ELAPOR2: variants seen among roughly 807,000 people sequenced by gnomAD.
ELAPOR2 encodes endosome/lysosome-associated apoptosis and autophagy regulator family member 2.
ELAPOR2 carries 89 observed loss-of-function variants against 120.7 expected under a neutral mutation model. That is an observed-to-expected ratio of 0.74 (90% CI 0.62 to 0.88). The LOEUF is 0.88. ELAPOR2 is among the 40% of genes least tolerant of loss of function. The probability of loss-of-function intolerance (pLI) is 0.00; values close to 1 mark genes in which losing one functional copy is unlikely to be tolerated. For missense variants in ELAPOR2, 1,134 were observed against 1,251.6 expected (o/e 0.91, Z 1.42); for synonymous variants, 444 against 444.9 (o/e 1.00, Z 0.03).
intron 1 of ELAPOR2, among the ~76,000 whole-genome samples, chr7:86,995,547 C>T (rs1010070732): frequency 1.1e-4 from 17 of 152,258 alleles, no homozygotes; most frequent in African/African-American, 3.6e-4. Flanking sequence ...TAATATAACG[C>T]GTTTTGCAAG....
intron 1 of ELAPOR2, among the ~76,000 whole-genome samples, chr7:87,038,865 A>T (rs1794672234): frequency 6.6e-6 from 1 of 152,202 alleles, no homozygotes; most frequent in African/African-American, 2.4e-5. Flanking sequence ...CAATCTAATG[A>T]TGTATCTTAA....
intron 13 of ELAPOR2, 32 bp from the exon 14 acceptor site, chr7:86,913,236 G>A (rs774420957): frequency 2.7e-5 from 43 of 1,602,122 alleles, no homozygotes; most frequent in Non-Finnish European, 3.5e-5. Flanking sequence ...AATGACTTCT[G>A]CCTTGGGGCT....
intron 3 of ELAPOR2, among the ~76,000 whole-genome samples, chr7:86,947,040 C>A (rs1484072167): frequency 6.6e-6 from 1 of 152,122 alleles, no homozygotes; most frequent in Non-Finnish European, 1.5e-5. Flanking sequence ...AATAATTCCC[C>A]AGCATCCTTA....
At chr7:87,012,032 C>T (rs1417131696) in intron 1 of ELAPOR2, among the ~76,000 whole-genome samples, 4 of 151,834 alleles carry the variant, frequency 2.6e-5, no homozygotes, top group African/African-American at 9.7e-5. Context: ...TGAGAAACTA[C>T]ATTCTTTTAT....
At chr7:86,884,621 A>G (rs1799601523) in intron 21 of ELAPOR2, among the ~76,000 whole-genome samples, 1 of 152,136 alleles carries the variant, frequency 6.6e-6, no homozygotes, top group Non-Finnish European at 1.5e-5. Flanking sequence ...GTACAGCTAA[A>G]ATTCATCCTG....
chr7:87,051,802 A>T (rs1795110482), intron 1 of ELAPOR2, among the ~76,000 whole-genome samples: 1 of 152,252 alleles, frequency 6.6e-6, no homozygotes, highest in Non-Finnish European at 1.5e-5. Flanking sequence ...ATACTCTCTT[A>T]ATATTACCAT....
chr7:86,939,825 GA>G (rs1460462012), intron 6 of ELAPOR2, among the ~76,000 whole-genome samples, 184 bp downstream of exon 6: 1 of 151,878 alleles, frequency 6.6e-6, no homozygotes, highest in Non-Finnish European at 1.5e-5. Flanking sequence ...AAGGGTACAA[GA>G]AAAAAAGAAA....
intron 19 of ELAPOR2, among the ~76,000 whole-genome samples, chr7:86,894,621 A>G (rs1788351414): frequency 6.6e-6 from 1 of 152,110 alleles, no homozygotes; most frequent in Non-Finnish European, 1.5e-5. Flanking sequence ...CGACATGGAA[A>G]AAAATCAAGC....
At chr7:86,995,481 C>A (rs1448121975) in intron 1 of ELAPOR2, among the ~76,000 whole-genome samples, 1 of 152,140 alleles carries the variant, frequency 6.6e-6, no homozygotes, top group Non-Finnish European at 1.5e-5. Flanking sequence ...ATAGTAGACA[C>A]ATAAACAAAA....
At chr7:86,989,111 C>T (rs1171902696) in intron 1 of ELAPOR2, among the ~76,000 whole-genome samples, 1 of 152,126 alleles carries the variant, frequency 6.6e-6, no homozygotes, top group Admixed American at 6.5e-5. Flanking sequence ...AAAACAAACA[C>T]ATGAAGACTA....
At chr7:87,058,510 C>T (rs1351251423) in intron 1 of ELAPOR2, among the ~76,000 whole-genome samples, 1 of 152,096 alleles carries the variant, frequency 6.6e-6, no homozygotes, top group East Asian at 1.9e-4. Flanking sequence ...ATACAAGAAC[C>T]AATGACACCC....
At position 86,989,470 on chromosome 7, in the gene ELAPOR2, T is replaced by C. The variant is rs2107344; in HGVS notation, c.190-24446A>G. Among the ~76,000 whole-genome samples, 486 of 152,234 alleles carry C rather than the reference T, an allele frequency of 3.2e-3. 1 individual carries two copies. Among genetic ancestry groups the C allele is most frequent in the African/African-American group, 0.011 (463 of 41,534 alleles). On this transcript the variant is annotated intron_variant, in intron 1 of 21. Coordinates refer to ENST00000450689, the MANE Select transcript of ELAPOR2 (RefSeq NM_001142749.3). ...TAAACAAGTATACAAGAATAGAGAG[T>C]GACATTTTAAAGGTAACATTTGCAC...
In ELAPOR2 at chr7:87,039,257, G is replaced by A. The variant is rs112698028; in HGVS notation, c.189+20068C>T. On this transcript the variant is annotated intron_variant, in intron 1 of 21. Transcript: ENST00000450689. The stretch of plus-strand genomic sequence containing the variant: ...ACAGACCAATACCAATGAAATCAAA[G>A]CCACAATAAAAAGTCTCCCAGTAAA... 8.2e-3 allele frequency among the ~76,000 whole-genome samples: 1,238 copies of A among 151,424 alleles called. 19 individuals are homozygous for A. The highest frequency in any genetic ancestry group is 0.029 in the African/African-American group (1,190 of 41,244).
intron 1 of ELAPOR2, among the ~76,000 whole-genome samples, chr7:87,041,400 C>A (rs559614447): frequency 2.0e-5 from 3 of 152,110 alleles, no homozygotes; most frequent in Non-Finnish European, 4.4e-5. Context: ...GCCCATCAGA[C>A]TAACAGCGGA....
At chr7:86,893,396 C>A (rs1173582092) in intron 19 of ELAPOR2, among the ~76,000 whole-genome samples, 1 of 150,862 alleles carries the variant, frequency 6.6e-6, no homozygotes, top group African/African-American at 2.4e-5. Context: ...ACAGTACATG[C>A]CAAGGAGGTT....
At chr7:86,986,624 A>G (rs10228437) in intron 1 of ELAPOR2, among the ~76,000 whole-genome samples, 51,377 of 143,236 alleles carry the variant, frequency 0.36, 10,063 homozygotes, top group African/African-American at 0.5. Flanking sequence ...AAATACCTAG[A>G]AATCCAACTT....
At chr7:86,940,304 G>T (rs984619252) in intron 5 of ELAPOR2, among the ~76,000 whole-genome samples, 189 bp from the exon 6 acceptor site, 2 of 151,986 alleles carry the variant, frequency 1.3e-5, no homozygotes, top group African/African-American at 4.8e-5. Flanking sequence ...AAAAAATGGA[G>T]TTTGCTAATC....
In ELAPOR2 at chr7:86,978,880, A is replaced by C. The variant is rs372196601; in HGVS notation, c.190-13856T>G. On this transcript the variant is annotated intron_variant, in intron 1 of 21. Coordinates refer to ENST00000450689, the MANE Select transcript of ELAPOR2 (RefSeq NM_001142749.3). The stretch of plus-strand genomic sequence containing the variant: ...TAGACACCAGGAAATAATGACTATA[A>C]CTGTATATTTTTTTGTTTGATCCTT... Among the ~76,000 whole-genome samples, 462 of 152,304 alleles carry C rather than the reference A, an allele frequency of 3.0e-3. 4 individuals carry two copies. The highest frequency in any genetic ancestry group is 0.01 in the African/African-American group (431 of 41,564).
At chr7:86,950,352 G>T (rs1791193919) in intron 2 of ELAPOR2, among the ~76,000 whole-genome samples, 1 of 152,244 alleles carries the variant, frequency 6.6e-6, no homozygotes, top group Admixed American at 6.5e-5. Context: ...CATGCTCCTT[G>T]CTTGCCACGT....
Sources: allele counts gnomAD v4.1 joint callset (sites outside exome capture counted in the v4.1 genomes callset), GRCh38; gene constraint gnomAD v4.1.1; transcripts MANE v1.5; gene names NCBI Gene and HGNC (gene_info 2026-07-23, HGNC 2026-07-21).